The following TMA16 variants were observed in gnomAD, a reference collection of about 807,000 sequenced individuals.
TMA16 encodes translation machinery-associated protein 16.
A neutral mutation model predicts 27.1 loss-of-function variants in TMA16; 26 were observed. The observed-to-expected ratio is 0.96, with a 90% CI of 0.70 to 1.33. TMA16 has a LOEUF of 1.33. Ranked by LOEUF, TMA16 falls within the 40% of genes most tolerant of loss-of-function variation. The pLI, the probability that TMA16 is intolerant of heterozygous loss-of-function variation, is 0.00. For missense variants in TMA16, 233 were observed against 241.4 expected, an observed-to-expected ratio of 0.97 and a Z score of 0.23; for synonymous variants, 71 against 81.9, an observed-to-expected ratio of 0.87 and a Z score of 0.72.
intron 1 of TMA16, among the ~76,000 whole-genome samples, chr4:163,500,051 A>G (rs1412918006): frequency 2.0e-5 from 3 of 152,168 alleles, no homozygotes; most frequent in Admixed American, 1.3e-4. Context: ...AGCACTTGAA[A>G]CCTAGGCTTG....
intron 1 of TMA16, among the ~76,000 whole-genome samples, chr4:163,502,663 G>A (rs1737664024): frequency 6.6e-6 from 1 of 152,152 alleles, no homozygotes; most frequent in South Asian, 2.1e-4. Context: ...AAAGGCTTAT[G>A]TATGGAACTA....
rs1164380517 is a variant in TMA16 at position 163,514,066 on chromosome 4, G to T, written c.155-8G>T. On this transcript the variant is annotated splice_region_variant and splice_polypyrimidine_tract_variant and intron_variant, in intron 3 of 6. Transcript: ENST00000358572. ...GGGGTAAACTGTCTTGGTACTTGTT[G>T]TTTATAGGTGAAAAACTGCAATGGT... 6.3e-7 allele frequency: 1 copy of T among 1,599,688 alleles called. No homozygotes were observed. Among genetic ancestry groups the T allele is most frequent in the African/African-American group, 1.3e-5 (1 of 74,256 alleles).
intron 4 of TMA16, among the ~76,000 whole-genome samples, chr4:163,515,002 G>C (rs544549976): frequency 1.3e-5 from 2 of 152,122 alleles, no homozygotes; most frequent in Non-Finnish European, 2.9e-5. Context: ...TGGGGGGTAG[G>C]TGGGGACAGG....
chr4:163,497,773 A>T (rs1016937361), intron 1 of TMA16, among the ~76,000 whole-genome samples: 2 of 152,174 alleles, frequency 1.3e-5, no homozygotes, highest in African/African-American at 4.8e-5. Flanking sequence ...TTTTTGTCAT[A>T]TATGGTAATA....
chr4:163,515,614 TTC>T, intron 5 of TMA16, 153 bp downstream of exon 5: 1 of 894,834 alleles, frequency 1.1e-6, no homozygotes, highest in Non-Finnish European at 1.6e-6. Flanking sequence ...AAATTTTGGA[TTC>T]TTTTTTTTTC....
At chr4:163,517,742 A>G (rs979812947) in intron 6 of TMA16, among the ~76,000 whole-genome samples, 17 of 152,182 alleles carry the variant, frequency 1.1e-4, no homozygotes, top group African/African-American at 3.9e-4. Context: ...ATGTGATCTC[A>G]CTATTCCTCC....
intron 1 of TMA16, among the ~76,000 whole-genome samples, chr4:163,496,556 A>G (rs919285997): frequency 1.3e-5 from 2 of 152,054 alleles, no homozygotes; most frequent in Non-Finnish European, 2.9e-5. Flanking sequence ...ATTCCACTCA[A>G]CACTTCTTTA....
intron 1 of TMA16, among the ~76,000 whole-genome samples, chr4:163,499,929 T>C (rs1170290288): frequency 6.6e-6 from 1 of 152,106 alleles, no homozygotes; most frequent in Admixed American, 6.5e-5. Context: ...TAAGCCTTTG[T>C]GACCTAAAGG....
intron 1 of TMA16, among the ~76,000 whole-genome samples, chr4:163,505,824 T>C (rs550966765): frequency 6.6e-6 from 1 of 152,282 alleles, no homozygotes; most frequent in East Asian, 1.9e-4. Context: ...AAGAAAGGAC[T>C]AGTGGGGAGA....
At chr4:163,508,374 G>A (rs1475322879) in intron 2 of TMA16, among the ~76,000 whole-genome samples, 1 of 152,024 alleles carries the variant, frequency 6.6e-6, no homozygotes, top group African/African-American at 2.4e-5. Flanking sequence ...TGTTGCTGCT[G>A]GTTTAGGGAC....
At chr4:163,499,812 T>C (rs1315384885) in intron 1 of TMA16, among the ~76,000 whole-genome samples, 1 of 152,174 alleles carries the variant, frequency 6.6e-6, no homozygotes, top group East Asian at 1.9e-4. Flanking sequence ...ATGTGAAGCC[T>C]GGAGGGCCAA....
chr4:163,496,511 C>T (rs910085762), intron 1 of TMA16, among the ~76,000 whole-genome samples: 1 of 152,130 alleles, frequency 6.6e-6, no homozygotes, highest in African/African-American at 2.4e-5. Context: ...ATTTAGTTTA[C>T]CTGTTATATA....
rs539811618 is a variant in TMA16 at position 163,498,448 on chromosome 4, C to T, written c.3+3644C>T. Among the ~76,000 whole-genome samples, 126 of 151,564 alleles carry T rather than the reference C, an allele frequency of 8.3e-4. 1 individual carries two copies. Among genetic ancestry groups the T allele is most frequent in the Middle Eastern group, 3.4e-3 (1 of 294 alleles). On this transcript the variant is annotated intron_variant, in intron 1 of 6. Coordinates refer to ENST00000358572, the MANE Select transcript of TMA16 (RefSeq NM_018352.3). ...GACTACAGGTGCCCGCCACCACGCC[C>T]GGCTAATTTTTTGTATTTTTAGTAG...
chr4:163,504,599 G>A (rs1737694991), intron 1 of TMA16, among the ~76,000 whole-genome samples: 1 of 152,190 alleles, frequency 6.6e-6, no homozygotes, highest in South Asian at 2.1e-4. Flanking sequence ...CGTAGTTCAA[G>A]CTATCCTCCC....
chr4:163,513,750 T>G (rs1413111283), intron 3 of TMA16, among the ~76,000 whole-genome samples: 1 of 152,228 alleles, frequency 6.6e-6, no homozygotes, highest in Non-Finnish European at 1.5e-5. Flanking sequence ...TTATTATTTT[T>G]GACAAGCTGT....
At chr4:163,501,600 C>A (rs911420716) in intron 1 of TMA16, among the ~76,000 whole-genome samples, 1 of 152,104 alleles carries the variant, frequency 6.6e-6, no homozygotes, top group Non-Finnish European at 1.5e-5. Flanking sequence ...GATGTTGTTT[C>A]GTTGCAAAGA....
In TMA16 at chr4:163,519,578, T is replaced by C. The variant is rs1211357704; in HGVS notation, c.*64T>C. 3.2e-5 allele frequency: 46 copies of C among 1,424,188 alleles called. No individual in the cohort carries two copies. The highest frequency in any genetic ancestry group is 4.1e-5 in the Non-Finnish European group (44 of 1,075,408). The allele number at this position is 1,424,188 out of a possible 1,614,324, so 88.2% of individuals were successfully genotyped here. ...TTCAAATTATATTCATTGATTATGG[T>C]ACCTAATTGTCATGATACAAAAATT... On this transcript the variant is annotated 3_prime_UTR_variant, in exon 7 of 7. Transcript: ENST00000358572.
chr4:163,520,160 T>A lies in TMA16; in HGVS notation c.*646T>A. 1 of 373,152 alleles carries A rather than the reference T, an allele frequency of 2.7e-6. No individual in the cohort carries two copies. The allele number at this position is 373,152 out of a possible 1,614,324, so 23.1% of individuals were successfully genotyped here. Reference sequence around the variant, plus strand: ...TAAAGAGTTTCAGTTTAGCTCCTTTTGATTGTATATTATTTTTTGCTTTTT... The same window carrying A: ...TAAAGAGTTTCAGTTTAGCTCCTTTAGATTGTATATTATTTTTTGCTTTTT... On this transcript the variant is annotated 3_prime_UTR_variant, in exon 7 of 7. Coordinates refer to ENST00000358572, the MANE Select transcript of TMA16 (RefSeq NM_018352.3).
intron 1 of TMA16, among the ~76,000 whole-genome samples, chr4:163,505,214 A>T (rs553153369): frequency 6.6e-6 from 1 of 152,138 alleles, no homozygotes; most frequent in South Asian, 2.1e-4. Flanking sequence ...CATGTTTGCT[A>T]GGTACTTTAA....
Sources: gnomAD v4.1 joint callset for allele counts (sites outside exome capture counted in the v4.1 genomes callset) on GRCh38, gnomAD v4.1.1 for gene constraint, MANE v1.5 for transcripts, NCBI Gene and HGNC (gene_info 2026-07-23, HGNC 2026-07-21) for gene names.